The following ARHGAP26 variants were observed in gnomAD, a reference collection of about 807,000 sequenced individuals.
ARHGAP26 encodes the protein Rho GTPase activating protein 26, also known as rho GTPase-activating protein 26.
In ARHGAP26, 38 loss-of-function variants were observed where a neutral mutation model predicts 104.8. That is an observed-to-expected ratio of 0.36 (90% CI 0.28 to 0.48). The LOEUF (loss-of-function observed/expected upper bound fraction) is 0.48, where lower values mean the gene tolerates loss of function less well. Ranked by LOEUF, ARHGAP26 falls within the 20% of genes least tolerant of loss-of-function variation. The pLI is 0.99. For missense variants in ARHGAP26, 704 were observed against 947.9 expected, an observed-to-expected ratio of 0.74 and a Z score of 3.38; for synonymous variants, 341 against 340.0, an observed-to-expected ratio of 1.00 and a Z score of -0.03.
intron 17 of ARHGAP26, among the ~76,000 whole-genome samples, chr5:143,098,212 G>A (rs977157815): frequency 1.3e-5 from 2 of 152,170 alleles, no homozygotes; most frequent in African/African-American, 4.8e-5. Flanking sequence ...AAGTTCTAAT[G>A]TTAGGGTTCA....
intron 1 of ARHGAP26, among the ~76,000 whole-genome samples, chr5:142,776,360 G>A (rs59037822): frequency 1.5e-3 from 229 of 152,274 alleles, no homozygotes; most frequent in African/African-American, 5.3e-3. Flanking sequence ...AACATTTTTA[G>A]CACCCCGAAA....
chr5:143,113,385 C>G (rs542923081), intron 17 of ARHGAP26, among the ~76,000 whole-genome samples: 27 of 152,306 alleles, frequency 1.8e-4, no homozygotes, highest in South Asian at 4.1e-4. Flanking sequence ...GCAGAGAACA[C>G]TTTGCTAGTT....
intron 12 of ARHGAP26, among the ~76,000 whole-genome samples, chr5:143,015,382 A>C (rs774064761): frequency 4.6e-5 from 7 of 152,326 alleles, no homozygotes; most frequent in Admixed American, 2.0e-4. Flanking sequence ...GCTTGAGAAT[A>C]GATGAGTTCT....
chr5:143,203,823 C>T (rs758253620), intron 20 of ARHGAP26: 1 of 151,820 alleles, frequency 6.6e-6, no homozygotes, highest in Non-Finnish European at 1.5e-5. Context: ...AACACAGGAA[C>T]AGAAAACCAA....
At chr5:142,867,218 G>A (rs533683215) in intron 1 of ARHGAP26, among the ~76,000 whole-genome samples, 1 of 152,052 alleles carries the variant, frequency 6.6e-6, no homozygotes, top group African/African-American at 2.4e-5. Flanking sequence ...GTGGCCACAG[G>A]TAAGACCGTG....
At chr5:142,822,852 C>T (rs398067) in intron 1 of ARHGAP26, among the ~76,000 whole-genome samples, 20,701 of 152,138 alleles carry the variant, frequency 0.14, 1,867 homozygotes, top group East Asian at 0.3. Context: ...CCCTTTATAT[C>T]CCTAACCTCT....
chr5:142,903,799 C>T (rs2152458616), intron 8 of ARHGAP26, 130 bp downstream of exon 8: 2 of 962,618 alleles, frequency 2.1e-6, no homozygotes, highest in Non-Finnish European at 2.9e-6. Flanking sequence ...TTATAGTTCA[C>T]CTTTCCAAAG....
At chr5:143,217,095 G>T (rs258823) in intron 22 of ARHGAP26, among the ~76,000 whole-genome samples, 1 of 152,214 alleles carries the variant, frequency 6.6e-6, no homozygotes, top group Non-Finnish European at 1.5e-5. Context: ...CAGATTAAAT[G>T]ATCAAACCAA....
intron 11 of ARHGAP26, among the ~76,000 whole-genome samples, chr5:143,000,352 C>G (rs1777018705): frequency 6.6e-6 from 1 of 152,202 alleles, no homozygotes; most frequent in South Asian, 2.1e-4. Flanking sequence ...TTTATGATAG[C>G]TACAGACAGG....
chr5:142,853,037 G>C (rs1023886040), intron 1 of ARHGAP26, among the ~76,000 whole-genome samples: 2 of 152,194 alleles, frequency 1.3e-5, no homozygotes, highest in African/African-American at 4.8e-5. Flanking sequence ...AGGAAGTACT[G>C]ATGAGGGGAG....
chr5:142,983,365 C>T (rs1774228191), intron 11 of ARHGAP26, among the ~76,000 whole-genome samples: 1 of 152,224 alleles, frequency 6.6e-6, no homozygotes, highest in Non-Finnish European at 1.5e-5. Flanking sequence ...TGCCACCACA[C>T]CTGGCTAATT....
intron 5 of ARHGAP26, among the ~76,000 whole-genome samples, chr5:142,885,877 A>AT (rs1232816292): frequency 9.2e-5 from 14 of 151,754 alleles, no homozygotes; most frequent in African/African-American, 3.4e-4. Context: ...TTCTTTTTTT[A>AT]TTTTAAAGCA....
At chr5:143,031,696 A>G (rs1426290815) in intron 12 of ARHGAP26, among the ~76,000 whole-genome samples, 2 of 151,650 alleles carry the variant, frequency 1.3e-5, no homozygotes, top group African/African-American at 2.4e-5. Flanking sequence ...GCTAAAATCC[A>G]TGTCTGTCTC....
In ARHGAP26 at chr5:142,848,515, TG is replaced by T. The variant is rs147222722; in HGVS notation, c.155-24883del. The stretch of plus-strand genomic sequence containing the variant: ...CTCACCATAGGTGGTTCTCCAGCCT[TG>T]GCACATCAGCTGAGTGCAGGCGCTC... On this transcript the variant is annotated intron_variant, in intron 1 of 22. Coordinates refer to ENST00000645722, the MANE Select transcript of ARHGAP26 (RefSeq NM_001135608.3). Among the ~76,000 whole-genome samples, 796 of 152,324 alleles carry T rather than the reference TG, an allele frequency of 5.2e-3. 8 individuals carry two copies. Among genetic ancestry groups the T allele is most frequent in the African/African-American group, 0.017 (711 of 41,568 alleles).
intron 20 of ARHGAP26, among the ~76,000 whole-genome samples, chr5:143,193,736 A>G (rs1806328199): frequency 6.6e-6 from 1 of 152,220 alleles, no homozygotes; most frequent in Non-Finnish European, 1.5e-5. Flanking sequence ...TTTATGGTAC[A>G]GTAAGATATT....
intron 17 of ARHGAP26, among the ~76,000 whole-genome samples, chr5:143,088,178 C>A (rs1790878004): frequency 6.6e-6 from 1 of 152,232 alleles, no homozygotes; most frequent in African/African-American, 2.4e-5. Context: ...ATCTGTCCTT[C>A]ATAGGGCATT....
At chr5:142,962,055 AGTT>A (rs1770345245) in intron 11 of ARHGAP26, among the ~76,000 whole-genome samples, 1 of 152,222 alleles carries the variant, frequency 6.6e-6, no homozygotes, top group Non-Finnish European at 1.5e-5. Flanking sequence ...ACTGAGACTG[AGTT>A]AATGAGAAAC....
chr5:143,061,198 C>A (rs564328840), intron 17 of ARHGAP26, among the ~76,000 whole-genome samples: 1 of 152,200 alleles, frequency 6.6e-6, no homozygotes, highest in Admixed American at 6.5e-5. Flanking sequence ...AGTTTTCTTT[C>A]TCTTCCAATT....
chr5:142,814,772 A>G (rs1450999070), intron 1 of ARHGAP26, among the ~76,000 whole-genome samples: 3 of 152,222 alleles, frequency 2.0e-5, no homozygotes, highest in Admixed American at 6.5e-5. Context: ...TCTGGGCTTC[A>G]GTTTCCCTAT....
Sources: allele counts gnomAD v4.1 joint callset (sites outside exome capture counted in the v4.1 genomes callset), GRCh38; gene constraint gnomAD v4.1.1; transcripts MANE v1.5; gene names NCBI Gene and HGNC (gene_info 2026-07-23, HGNC 2026-07-21).